The following DCC variants were observed in gnomAD, a reference collection of about 807,000 sequenced individuals.
The protein encoded by DCC is netrin receptor DCC.
DCC carries 58 observed loss-of-function variants against 172.5 expected under a neutral mutation model. The ratio of observed to expected loss-of-function variants is 0.34; its 90% CI spans 0.27 to 0.42. DCC has a LOEUF of 0.42. Ranked by LOEUF, DCC falls within the 10% of genes least tolerant of loss-of-function variation. DCC has a pLI of 1.00. For synonymous variants in DCC, 709 were observed against 644.5 expected (o/e 1.10, Z -1.52); for missense variants, 1,740 against 1,791.0 (o/e 0.97, Z 0.51).
Position 53,090,732 on chromosome 18 carries a change from A to AAAAAAAAAAAAT in DCC, c.1261+24568_1261+24569insAAAAAAAAATAA, listed in dbSNP as rs1568298492. Among the ~76,000 whole-genome samples the AAAAAAAAAAAAT allele has an allele frequency of 2.0e-4, 26 of 129,152 alleles. 1 individual carries two copies. Among genetic ancestry groups the AAAAAAAAAAAAT allele is most frequent in the Non-Finnish European group, 3.8e-4 (23 of 59,910 alleles). 84.7% of individuals were successfully genotyped at this position (129,152 alleles called of 152,430 possible). ...AAAAAAAAAAAAAAAAAAAAAAAAA[A>AAAAAAAAAAAAT]AAGAATGTATCGTGTTTCTTGATGC... On this transcript the variant is annotated intron_variant, in intron 7 of 28. Transcript: ENST00000442544.
chr18:53,064,567 G>A (rs973592523), intron 6 of DCC, among the ~76,000 whole-genome samples: 6 of 152,048 alleles, frequency 3.9e-5, no homozygotes, highest in African/African-American at 1.4e-4. Flanking sequence ...ACAATCAGTC[G>A]ACTTTCAGAA....
chr18:53,248,236 T>A (rs1292553178), intron 12 of DCC, among the ~76,000 whole-genome samples: 2 of 152,028 alleles, frequency 1.3e-5, no homozygotes, highest in Non-Finnish European at 2.9e-5. Context: ...TATGTATATG[T>A]TGGAAGATGG....
At chr18:53,014,167 T>C (rs2041771913) in intron 5 of DCC, among the ~76,000 whole-genome samples, 1 of 152,220 alleles carries the variant, frequency 6.6e-6, no homozygotes. Context: ...TTTGAATCAA[T>C]CTACATTTAG....
intron 7 of DCC, among the ~76,000 whole-genome samples, chr18:53,128,692 G>T (rs548321872): frequency 1.3e-5 from 2 of 151,860 alleles, no homozygotes; most frequent in Non-Finnish European, 2.9e-5. Flanking sequence ...AAAGTGGAAG[G>T]ATAAGGCTAG....
chr18:53,063,560 G>A, intron 6 of DCC, 101 bp downstream of exon 6: 1 of 921,634 alleles, frequency 1.1e-6, no homozygotes, highest in East Asian at 2.6e-5. Context: ...TCCTGTTGGA[G>A]ATTTTTTGTG....
chr18:53,454,731 T>A (rs569585485), intron 23 of DCC, among the ~76,000 whole-genome samples: 1 of 152,352 alleles, frequency 6.6e-6, no homozygotes, highest in South Asian at 2.1e-4. Context: ...TTTTTAGTAC[T>A]GACGATGAAA....
At chr18:52,623,831 T>A (rs2034524740) in intron 1 of DCC, among the ~76,000 whole-genome samples, 1 of 152,166 alleles carries the variant, frequency 6.6e-6, no homozygotes, top group South Asian at 2.1e-4. Flanking sequence ...GGCAAATCTC[T>A]GTCCCTCCCT....
chr18:52,376,992 A>T (rs7240312), intron 1 of DCC, among the ~76,000 whole-genome samples: 25,522 of 152,110 alleles, frequency 0.17, 2,395 homozygotes, highest in African/African-American at 0.24. Context: ...GATGCCTATC[A>T]CCCGTTGTTT....
At chr18:53,125,270 T>C (rs908039057) in intron 7 of DCC, among the ~76,000 whole-genome samples, 3 of 152,056 alleles carry the variant, frequency 2.0e-5, no homozygotes, top group Admixed American at 6.6e-5. Flanking sequence ...TTTTGCAAAA[T>C]AGTACCTTTC....
At chr18:53,439,754 T>G (rs903471799) in intron 22 of DCC, among the ~76,000 whole-genome samples, 1 of 140,776 alleles carries the variant, frequency 7.1e-6, no homozygotes, top group Non-Finnish European at 1.6e-5. Context: ...TATGTGGTGA[T>G]GTAGTAGTAT....
At chr18:53,044,936 T>C (rs186398383) in intron 5 of DCC, among the ~76,000 whole-genome samples, 2 of 151,968 alleles carry the variant, frequency 1.3e-5, no homozygotes, top group East Asian at 3.9e-4. Context: ...GTATGCATGA[T>C]TCACAAAGTC....
chr18:53,382,910 ACT>A (rs1355717596), intron 15 of DCC, among the ~76,000 whole-genome samples: 1 of 152,048 alleles, frequency 6.6e-6, no homozygotes, highest in Non-Finnish European at 1.5e-5. Context: ...TATGAAGAAA[ACT>A]CAATCAGATC....
intron 2 of DCC, among the ~76,000 whole-genome samples, chr18:52,804,773 G>A (rs1013872582): frequency 6.6e-6 from 1 of 152,008 alleles, no homozygotes; most frequent in African/African-American, 2.4e-5. Flanking sequence ...TAGTAGAGAC[G>A]GGGTTTCACC....
intron 12 of DCC, among the ~76,000 whole-genome samples, chr18:53,269,689 T>C (rs1245270289): frequency 6.6e-6 from 1 of 152,170 alleles, no homozygotes; most frequent in Non-Finnish European, 1.5e-5. Flanking sequence ...AAGACTATTA[T>C]TGAACCCTTT....
chr18:53,355,414 C>T (rs555317560), intron 15 of DCC, among the ~76,000 whole-genome samples: 12 of 152,182 alleles, frequency 7.9e-5, no homozygotes, highest in South Asian at 2.1e-4. Context: ...GAGCATGGAA[C>T]GTTCTTCCAT....
intron 27 of DCC, among the ~76,000 whole-genome samples, chr18:53,517,254 C>G (rs1434602364): frequency 6.6e-6 from 1 of 150,436 alleles, no homozygotes; most frequent in Non-Finnish European, 1.5e-5. Flanking sequence ...ACAATGAGAA[C>G]CCATGGACAC....
chr18:53,186,438 G>A (rs368854881), intron 9 of DCC, among the ~76,000 whole-genome samples: 19 of 152,236 alleles, frequency 1.2e-4, no homozygotes, highest in African/African-American at 3.9e-4. Flanking sequence ...GGATATTGTC[G>A]TCATGCTGGT....
chr18:53,056,957 A>G (rs965099341), intron 5 of DCC, among the ~76,000 whole-genome samples: 3 of 152,006 alleles, frequency 2.0e-5, no homozygotes, highest in Non-Finnish European at 4.4e-5. Flanking sequence ...TAGTGTTTTC[A>G]AAGTTCAGAT....
At chr18:52,959,761 A>G (rs1160375715) in intron 5 of DCC, among the ~76,000 whole-genome samples, 1 of 152,142 alleles carries the variant, frequency 6.6e-6, no homozygotes, top group East Asian at 1.9e-4. Flanking sequence ...GCAGACCAAG[A>G]TATATCTGCT....
Sources: gnomAD v4.1 joint callset for allele counts (sites outside exome capture counted in the v4.1 genomes callset) on GRCh38, gnomAD v4.1.1 for gene constraint, MANE v1.5 for transcripts, NCBI Gene and HGNC (gene_info 2026-07-23, HGNC 2026-07-21) for gene names.